OTUD7A: variants seen among roughly 807,000 people sequenced by gnomAD.
OTUD7A encodes OTU domain-containing protein 7A.
In OTUD7A, 12 loss-of-function variants were observed where a neutral mutation model predicts 65.7. The observed-to-expected ratio is 0.18, with a 90% confidence interval of 0.12 to 0.30. The LOEUF (loss-of-function observed/expected upper bound fraction) is 0.30, where lower values mean the gene tolerates loss of function less well. Ranked by LOEUF, OTUD7A falls within the 10% of genes least tolerant of loss-of-function variation. The pLI, the probability that OTUD7A is intolerant of heterozygous loss-of-function variation, is 1.00. For synonymous variants in OTUD7A, 641 were observed against 586.3 expected (o/e 1.09, Z -1.35); for missense variants, 1,148 against 1,304.8 (o/e 0.88, Z 1.85).
chr15:31,747,443 G>A (rs997538594), intron 1 of OTUD7A, among the ~76,000 whole-genome samples: 4 of 152,172 alleles, frequency 2.6e-5, no homozygotes, highest in Admixed American at 2.0e-4. Context: ...GGAAGGAGGT[G>A]TTGAGAGAAC....
Position 31,483,853 on chromosome 15 carries a change from C to T in OTUD7A, c.2243G>A (p.Gly748Asp), listed in dbSNP as rs1476020606. 6.0e-5 allele frequency: 59 copies of T among 979,186 alleles called. No individual in the cohort carries two copies. Among genetic ancestry groups the T allele is most frequent in the Non-Finnish European group, 6.9e-5 (57 of 827,108 alleles). 60.7% of individuals were successfully genotyped at this position (979,186 alleles called of 1,614,324 possible). A position where few individuals can be genotyped will look rare whatever the true frequency, so the allele number is the denominator to read the frequency against. Residue 748 changes from glycine to aspartate, a missense_variant, in exon 13 of 13, where the codon GGC (glycine) becomes GAC (aspartate). By Grantham distance (94) the Gly-to-Asp change is moderately conservative. Transcript: ENST00000307050. ...AGRAARAAAGGTASPGGGARR... is the reference protein window; with the variant it reads ...AGRAARAAAGDTASPGGGARR... Reference sequence around the variant, plus strand: ...CGCGCCTCCCCCCGGGGAGGCCGTGCCGCCCGCCGCCGCCCGCGCCGCACG... The same window carrying T: ...CGCGCCTCCCCCCGGGGAGGCCGTGTCGCCCGCCGCCGCCCGCGCCGCACG...
At chr15:31,489,837 T>G (rs991411340) in intron 10 of OTUD7A, among the ~76,000 whole-genome samples, 3 of 152,332 alleles carry the variant, frequency 2.0e-5, no homozygotes, top group Admixed American at 2.0e-4. Flanking sequence ...AATGGACTCC[T>G]TGGGCTGCCC....
chr15:31,593,621 C>T (rs1889817673), intron 3 of OTUD7A, among the ~76,000 whole-genome samples: 1 of 152,084 alleles, frequency 6.6e-6, no homozygotes, highest in Non-Finnish European at 1.5e-5. Context: ...TGGAGGCCAC[C>T]TCTGGCTCAT....
chr15:31,513,339 G>C (rs1336504992), intron 8 of OTUD7A, among the ~76,000 whole-genome samples: 1 of 152,212 alleles, frequency 6.6e-6, no homozygotes, highest in African/African-American at 2.4e-5. Flanking sequence ...TCTATGAACA[G>C]AACATCCTCC....
At chr15:31,860,686 T>TATATATATATATATATAC (rs1567059990) in intron 1 of OTUD7A, among the ~76,000 whole-genome samples, 1 of 126,740 alleles carries the variant, frequency 7.9e-6, no homozygotes, top group Non-Finnish European at 1.7e-5. Flanking sequence ...TGTATATATA[T>TATATATATATATATATAC]ATATATATAT....
At chr15:31,629,304 G>A (rs554819757) in intron 3 of OTUD7A, among the ~76,000 whole-genome samples, 1 of 150,568 alleles carries the variant, frequency 6.6e-6, no homozygotes, top group East Asian at 1.9e-4. Flanking sequence ...TAGCATCAAG[G>A]GTTGTTGAAT....
chr15:31,834,219 T>A (rs1482961217), intron 1 of OTUD7A, among the ~76,000 whole-genome samples: 2 of 152,148 alleles, frequency 1.3e-5, no homozygotes, highest in African/African-American at 4.8e-5. Context: ...AAAGAATACA[T>A]TCATAGCAAC....
rs57817074 is a variant in OTUD7A at position 31,821,303 on chromosome 15, C to CTT, written c.-100+49202_-100+49203dup. On this transcript the variant is annotated intron_variant, in intron 1 of 12. Coordinates refer to ENST00000307050, the MANE Select transcript of OTUD7A (RefSeq NM_001382637.1). ...GGCGTGTGCCACCACGCCCAGGTACCTTTTTTTTTTTTTTTTTTTTTTAGT... is the reference window on the plus strand; with the variant it reads ...GGCGTGTGCCACCACGCCCAGGTACCTTTTTTTTTTTTTTTTTTTTTTTTAGT... 1.0e-3 allele frequency among the ~76,000 whole-genome samples: 116 copies of CTT among 113,168 alleles called. 3 individuals carry two copies. In the Middle Eastern group the frequency reaches 0.014, roughly 14 times the overall value. The allele number at this position is 113,168 out of a possible 152,430, so 74.2% of individuals were successfully genotyped here. A position where few individuals can be genotyped will look rare whatever the true frequency, so the allele number is the denominator to read the frequency against.
intron 1 of OTUD7A, among the ~76,000 whole-genome samples, chr15:31,771,226 A>C (rs974213367): frequency 1.3e-5 from 2 of 152,222 alleles, no homozygotes; most frequent in African/African-American, 2.4e-5. Flanking sequence ...AAAGAGGAAG[A>C]AGAATGTTTC....
At chr15:31,608,874 C>G (rs1566941988) in intron 3 of OTUD7A, among the ~76,000 whole-genome samples, 1 of 152,214 alleles carries the variant, frequency 6.6e-6, no homozygotes, top group Non-Finnish European at 1.5e-5. Flanking sequence ...CTGAAAGAAG[C>G]AGACTGCTCC....
chr15:31,761,987 A>G (rs1183374280), intron 1 of OTUD7A, among the ~76,000 whole-genome samples: 1 of 152,206 alleles, frequency 6.6e-6, no homozygotes, highest in Non-Finnish European at 1.5e-5. Flanking sequence ...GGTTGCCTAC[A>G]GAGGGGGGCA....
At position 31,535,371 on chromosome 15, in the gene OTUD7A, G is replaced by T. The variant is rs140130575; in HGVS notation, c.551-4563C>A. 3.3e-3 allele frequency among the ~76,000 whole-genome samples: 510 copies of T among 152,254 alleles called. 4 individuals are homozygous for T. Among genetic ancestry groups the T allele is most frequent in the African/African-American group, 0.012 (489 of 41,546 alleles). ...TTCCCCTTCCCCTTCTGCCATGATT[G>T]TAAGTTTCCTGAAGCCTCCCCAGTC... On this transcript the variant is annotated intron_variant, in intron 5 of 12. Transcript: ENST00000307050.
At chr15:31,644,235 T>C (rs1393089594) in intron 3 of OTUD7A, among the ~76,000 whole-genome samples, 1 of 152,162 alleles carries the variant, frequency 6.6e-6, no homozygotes, top group Non-Finnish European at 1.5e-5. Flanking sequence ...TAAAAACCCT[T>C]GCATTTCACT....
intron 4 of OTUD7A, among the ~76,000 whole-genome samples, chr15:31,559,751 GCACA>G (rs1249805483): frequency 2.0e-5 from 3 of 152,012 alleles, no homozygotes; most frequent in African/African-American, 7.3e-5. Context: ...AGATGTATTT[GCACA>G]CACAAATACA....
intron 4 of OTUD7A, among the ~76,000 whole-genome samples, chr15:31,564,110 TA>T (rs5811651): frequency 0.47 from 70,893 of 151,612 alleles, 17,254 homozygotes; most frequent in East Asian, 0.91. Flanking sequence ...AACTTGGGAT[TA>T]AAAAAAATGT....
intron 1 of OTUD7A, among the ~76,000 whole-genome samples, chr15:31,662,549 G>A (rs12901826): frequency 0.082 from 12,539 of 152,144 alleles, 1,266 homozygotes; most frequent in African/African-American, 0.24. Flanking sequence ...TATCTTGTGT[G>A]ACAAAATGTT....
At chr15:31,855,609 G>A (rs1197060403) in intron 1 of OTUD7A, among the ~76,000 whole-genome samples, 1 of 152,172 alleles carries the variant, frequency 6.6e-6, no homozygotes, top group East Asian at 1.9e-4. Context: ...CTAAGAATAA[G>A]TAACTGTGGA....
intron 4 of OTUD7A, among the ~76,000 whole-genome samples, chr15:31,562,679 G>A (rs1241774633): frequency 1.3e-5 from 2 of 152,126 alleles, no homozygotes; most frequent in East Asian, 3.8e-4. Context: ...CCGATCCTGG[G>A]TATATTTTAA....
At position 31,487,224 on chromosome 15, in the gene OTUD7A, C is replaced by T. The variant is rs1233867091; in HGVS notation, c.1341G>A (p.Val447=). The T allele has an allele frequency of 6.2e-7, 1 of 1,614,028 alleles. No homozygotes were observed. The highest frequency in any genetic ancestry group is 8.5e-7 in the Non-Finnish European group (1 of 1,179,996). ...TCTCGGAGGGGATCCGGATCCACGT[C>T]ACGTTCATGTAGCTGTGCAGAAGGT... ...KLNLLHSYMN[V]TWIRIPSETR... is the part of the protein sequence containing the mutation. The change falls in exon 12 of 13, where the codon GTG becomes GTA. Residue 447 remains valine (V), a synonymous_variant. Transcript: ENST00000307050. This position sits in a 1 kb window ranked among gnomAD's most constrained non-coding sequence, Gnocchi z 6.0.
Sources: gnomAD v4.1 joint callset for allele counts (sites outside exome capture counted in the v4.1 genomes callset) on GRCh38, gnomAD v4.1.1 for gene constraint, Gnocchi (gnomAD v3.1) non-coding constraint, MANE v1.5 for transcripts, NCBI Gene and HGNC (gene_info 2026-07-23, HGNC 2026-07-21) for gene names.